The following PPM1L variants were observed in gnomAD, a reference collection of about 807,000 sequenced individuals.
The protein encoded by PPM1L is protein phosphatase, Mg2+/Mn2+ dependent 1L.
In PPM1L, 13 loss-of-function variants were observed where a neutral mutation model predicts 31.4. The ratio of observed to expected loss-of-function variants is 0.41; its 90% CI spans 0.27 to 0.66. The LOEUF (loss-of-function observed/expected upper bound fraction) is 0.66. PPM1L is among the 30% of genes least tolerant of loss of function. The pLI, the probability that PPM1L is intolerant of heterozygous loss-of-function variation, is 0.29. For synonymous variants in PPM1L, 184 were observed against 175.4 expected (o/e 1.05, Z -0.39); for missense variants, 326 against 453.7 (o/e 0.72, Z 2.56).
At chr3:160,920,613 T>A (rs58604687) in intron 1 of PPM1L, among the ~76,000 whole-genome samples, 807 of 26,782 alleles carry the variant, frequency 0.03, 7 homozygotes, top group Middle Eastern at 0.053. Context: ...TCTCTCTCTC[T>A]CTCACACACA....
chr3:160,761,758 T>C (rs982609429), intron 1 of PPM1L, among the ~76,000 whole-genome samples: 1 of 152,206 alleles, frequency 6.6e-6, no homozygotes, highest in Non-Finnish European at 1.5e-5. Context: ...GACTTATAGT[T>C]CCACGTGGCT....
At chr3:160,879,212 CT>C (rs1299725238) in intron 1 of PPM1L, among the ~76,000 whole-genome samples, 1 of 151,638 alleles carries the variant, frequency 6.6e-6, no homozygotes, top group South Asian at 2.1e-4. Flanking sequence ...GAAATGCTAC[CT>C]TTTTTTTTCC....
intron 2 of PPM1L, among the ~76,000 whole-genome samples, chr3:160,972,975 T>A (rs1368833951): frequency 6.6e-6 from 1 of 152,138 alleles, no homozygotes; most frequent in East Asian, 1.9e-4. Flanking sequence ...TTTTCATGTG[T>A]TTTTTGGCTG....
At chr3:161,031,346 AT>A (rs1718556682) in intron 2 of PPM1L, among the ~76,000 whole-genome samples, 3 of 152,180 alleles carry the variant, frequency 2.0e-5, no homozygotes, top group Non-Finnish European at 4.4e-5. Context: ...CAGGATGCAT[AT>A]TGCTGAAACC....
chr3:161,024,477 T>TCAC (rs1281641326), intron 2 of PPM1L, among the ~76,000 whole-genome samples: 4 of 151,996 alleles, frequency 2.6e-5, no homozygotes, highest in Non-Finnish European at 5.9e-5. Context: ...GGCGGGCAGA[T>TCAC]CACCTGAGGT....
chr3:160,800,612 A>G (rs1218675282), intron 1 of PPM1L, among the ~76,000 whole-genome samples: 2 of 152,076 alleles, frequency 1.3e-5, no homozygotes, highest in Non-Finnish European at 2.9e-5. Context: ...TAATATTTTA[A>G]CAGCCAAAGT....
intron 2 of PPM1L, among the ~76,000 whole-genome samples, chr3:161,012,854 G>A (rs1258761147): frequency 3.9e-5 from 6 of 151,990 alleles, no homozygotes; most frequent in South Asian, 2.1e-4. Flanking sequence ...CTGTGGGATC[G>A]GTGGTGATAT....
At chr3:160,806,044 C>T (rs767414598) in intron 1 of PPM1L, among the ~76,000 whole-genome samples, 4 of 152,186 alleles carry the variant, frequency 2.6e-5, no homozygotes, top group Non-Finnish European at 5.9e-5. Context: ...CAACTGATGT[C>T]TCACACTCAG....
chr3:160,843,344 G>A (rs758717799), intron 1 of PPM1L, among the ~76,000 whole-genome samples: 12 of 146,204 alleles, frequency 8.2e-5, no homozygotes, highest in African/African-American at 5.0e-5. Flanking sequence ...AGCCCAGGAC[G>A]GCTTTGAATG....
chr3:160,967,425 A>T (rs1291884052), intron 2 of PPM1L, among the ~76,000 whole-genome samples: 1 of 152,022 alleles, frequency 6.6e-6, no homozygotes, highest in Non-Finnish European at 1.5e-5. Flanking sequence ...TCAAGGCACC[A>T]GCAGATATGG....
intron 2 of PPM1L, among the ~76,000 whole-genome samples, chr3:161,006,432 C>A (rs941363878): frequency 1.3e-5 from 2 of 152,098 alleles, no homozygotes; most frequent in Admixed American, 1.3e-4. Context: ...ATCTGTTATA[C>A]AACCATGTGA....
chr3:160,866,962 C>T (rs138076606), intron 1 of PPM1L, among the ~76,000 whole-genome samples: 1 of 152,154 alleles, frequency 6.6e-6, no homozygotes, highest in Non-Finnish European at 1.5e-5. Flanking sequence ...CTACCTCAGC[C>T]TCTTGAGTAG....
chr3:161,049,736 T>G (rs1400905926), intron 2 of PPM1L, among the ~76,000 whole-genome samples: 2 of 152,116 alleles, frequency 1.3e-5, no homozygotes, highest in African/African-American at 4.8e-5. Flanking sequence ...TTGTAGCTGT[T>G]TAGTTAATAA....
chr3:160,779,558 T>C (rs1003344033), intron 1 of PPM1L, among the ~76,000 whole-genome samples: 4 of 152,170 alleles, frequency 2.6e-5, no homozygotes, highest in African/African-American at 9.7e-5. Context: ...GGTCTCATTC[T>C]GTTGCCCAGG....
chr3:160,937,480 C>T (rs1207799014), intron 1 of PPM1L, among the ~76,000 whole-genome samples: 3 of 151,980 alleles, frequency 2.0e-5, no homozygotes, highest in South Asian at 2.1e-4. Flanking sequence ...ATTAGCCAGA[C>T]GTGGTGGTGG....
intron 1 of PPM1L, among the ~76,000 whole-genome samples, chr3:160,836,892 A>G (rs1371890429): frequency 1.3e-5 from 2 of 152,178 alleles, no homozygotes; most frequent in African/African-American, 2.4e-5. Context: ...GCAAAGTGGC[A>G]TTCTCCTTCC....
At chr3:160,910,016 AG>A (rs1713900175) in intron 1 of PPM1L, among the ~76,000 whole-genome samples, 1 of 152,138 alleles carries the variant, frequency 6.6e-6, no homozygotes, top group Non-Finnish European at 1.5e-5. Flanking sequence ...TTGTCATGAT[AG>A]GTCTTGTCAT....
At chr3:160,978,009 C>T (rs1716659128) in intron 2 of PPM1L, among the ~76,000 whole-genome samples, 1 of 152,056 alleles carries the variant, frequency 6.6e-6, no homozygotes, top group South Asian at 2.1e-4. Flanking sequence ...GACTTGCTTA[C>T]AATTGGTTTA....
At chr3:161,051,251 A>G (rs1032394170) in intron 2 of PPM1L, among the ~76,000 whole-genome samples, 1 of 152,186 alleles carries the variant, frequency 6.6e-6, no homozygotes, top group Non-Finnish European at 1.5e-5. Flanking sequence ...GGCATTAGAC[A>G]GTAAGTGCCT....
Sources: gnomAD v4.1 joint callset for allele counts (sites outside exome capture counted in the v4.1 genomes callset) on GRCh38, gnomAD v4.1.1 for gene constraint, MANE v1.5 for transcripts, NCBI Gene and HGNC (gene_info 2026-07-23, HGNC 2026-07-21) for gene names.